Variants in ZSCAN25 observed in about 807,000 individuals in gnomAD.
ZSCAN25 encodes the protein zinc finger and SCAN domain-containing protein 25.
ZSCAN25 carries 27 observed loss-of-function variants against 38.7 expected under a neutral mutation model. That is an observed-to-expected ratio of 0.70 (90% CI 0.51 to 0.96). The LOEUF (loss-of-function observed/expected upper bound fraction) is 0.96. ZSCAN25 is among the 40% of genes least tolerant of loss of function. The pLI is 0.00. For synonymous variants in ZSCAN25, 273 were observed against 277.7 expected, an observed-to-expected ratio of 0.98 and a Z score of 0.17; for missense variants, 637 against 705.9, an observed-to-expected ratio of 0.90 and a Z score of 1.11.
chr7:99,723,592 T>C, the ZSCAN25 span, among the ~76,000 whole-genome samples: 1 of 152,170 alleles, frequency 6.6e-6, no homozygotes, highest in African/African-American at 2.4e-5. Flanking sequence ...GCCAAAGACC[T>C]GGGACAGGGG....
At chr7:99,715,498 A>G in the ZSCAN25 span, 18 of 498,538 alleles carry the variant, frequency 3.6e-5, no homozygotes, top group Admixed American at 3.3e-4. Context: ...AGGCAAATCT[A>G]TAGATGCAGA....
At chr7:99,692,262 C>T in the ZSCAN25 span, among the ~76,000 whole-genome samples, 1 of 152,206 alleles carries the variant, frequency 6.6e-6, no homozygotes, top group East Asian at 1.9e-4. Flanking sequence ...GCTGAGAGAT[C>T]TGCTGTTAGT....
chr7:99,691,368 C>T, the ZSCAN25 span, among the ~76,000 whole-genome samples: 2 of 152,256 alleles, frequency 1.3e-5, no homozygotes, highest in Admixed American at 6.5e-5. Context: ...GGGTGTGGCA[C>T]ACCAACATGG....
the ZSCAN25 span, chr7:99,666,478 T>C: frequency 9.3e-7 from 1 of 1,070,110 alleles, no homozygotes; most frequent in East Asian, 2.5e-5. Context: ...TCTTTGGAGT[T>C]GCAGCGCTGC....
chr7:99,617,293 G>C (rs986884519), intron 1 of ZSCAN25, among the ~76,000 whole-genome samples: 1 of 152,210 alleles, frequency 6.6e-6, no homozygotes, highest in Non-Finnish European at 1.5e-5. Flanking sequence ...TGCAGGGCTG[G>C]CCACGAACCC....
At chr7:99,717,769 A>G in the ZSCAN25 span, 1 of 1,180,190 alleles carries the variant, frequency 8.5e-7, no homozygotes, top group African/African-American at 1.5e-5. Flanking sequence ...GACAGGCCCT[A>G]TGACAGATGC....
the ZSCAN25 span, chr7:99,710,827 T>C: frequency 1.2e-5 from 19 of 1,613,732 alleles, no homozygotes; most frequent in Admixed American, 1.7e-5. Context: ...AGAACACTGC[T>C]CGTGGTTTCA....
At chr7:99,652,464 C>T in the ZSCAN25 span, 1 of 783,808 alleles carries the variant, frequency 1.3e-6, no homozygotes, top group Non-Finnish European at 2.0e-6. Context: ...GATTGTACAA[C>T]CACACGATTG....
the ZSCAN25 span, chr7:99,659,106 T>G: frequency 1.3e-5 from 2 of 152,174 alleles, no homozygotes; most frequent in African/African-American, 2.4e-5. Flanking sequence ...TCCATCCAGC[T>G]TTCCGTTGCT....
chr7:99,737,320 C>G, the ZSCAN25 span, among the ~76,000 whole-genome samples: 1 of 152,066 alleles, frequency 6.6e-6, no homozygotes, highest in African/African-American at 2.4e-5. Context: ...ATCACTATGG[C>G]AAATAGTAAG....
At chr7:99,723,633 C>G in the ZSCAN25 span, among the ~76,000 whole-genome samples, 1 of 152,136 alleles carries the variant, frequency 6.6e-6, no homozygotes, top group Non-Finnish European at 1.5e-5. Context: ...CCCCTGTCCT[C>G]GCCCTCACTC....
chr7:99,637,219 A>G (rs151074562), downstream of ZSCAN25, among the ~76,000 whole-genome samples: 1 of 152,186 alleles, frequency 6.6e-6, no homozygotes, highest in Non-Finnish European at 1.5e-5. Flanking sequence ...TACATGCTTT[A>G]TTAATGAACA....
the ZSCAN25 span, chr7:99,662,936 G>C: frequency 6.2e-7 from 1 of 1,608,520 alleles, no homozygotes; most frequent in African/African-American, 1.3e-5. This position sits in a 1 kb window ranked among gnomAD's most constrained non-coding sequence, Gnocchi z 4.3. Flanking sequence ...GAAGTCAGAA[G>C]TAAATCAAAA....
Position 99,629,662 on chromosome 7 carries a change from C to A in ZSCAN25, c.1277C>A (p.Thr426Asn). 1 of 1,614,094 alleles carries A rather than the reference C, an allele frequency of 6.2e-7. No individual in the cohort carries two copies. Among genetic ancestry groups the A allele is most frequent in the Non-Finnish European group, 8.5e-7 (1 of 1,180,034 alleles). The change falls in exon 8 of 8, where the codon ACT (threonine) becomes AAT (asparagine). Residue 426 changes from threonine to asparagine, a missense_variant. Thr to Asn is a moderately conservative substitution (Grantham distance 65). Coordinates refer to ENST00000394152, the MANE Select transcript of ZSCAN25 (RefSeq NM_145115.3). This position sits in a 1 kb window ranked among gnomAD's most constrained non-coding sequence, Gnocchi z 5.6. ...CTGGAGGTGCACCAGCGCAGCCACA[C>A]TGGGGAGAAGCCCTACAAGTGCGGG... ...HHLEVHQRSH[T>N]GEKPYKCGDC...
the ZSCAN25 span, among the ~76,000 whole-genome samples, chr7:99,709,837 TA>T: frequency 6.6e-6 from 1 of 152,126 alleles, no homozygotes; most frequent in Non-Finnish European, 1.5e-5. Flanking sequence ...TTTTGTTATA[TA>T]CATAAAATGT....
At chr7:99,624,363 G>C in intron 7 of ZSCAN25, 183 bp downstream of exon 7, 1 of 660,522 alleles carries the variant, frequency 1.5e-6, no homozygotes, top group Non-Finnish European at 2.5e-6. Context: ...GGAGCCAAAT[G>C]ATGGAGCAGG....
chr7:99,719,741 G>T, the ZSCAN25 span, among the ~76,000 whole-genome samples: 1 of 152,140 alleles, frequency 6.6e-6, no homozygotes, highest in Non-Finnish European at 1.5e-5. Flanking sequence ...GATCATGCTG[G>T]TCATTGCACA....
chr7:99,629,669 G>T lies in ZSCAN25; in HGVS notation c.1284G>T (p.Glu428Asp). The T allele has an allele frequency of 6.2e-7, 1 of 1,614,088 alleles. No individual in the cohort carries two copies. The highest frequency in any genetic ancestry group is 8.5e-7 in the Non-Finnish European group (1 of 1,180,040). The change falls in exon 8 of 8, where the codon GAG becomes GAT. Residue 428 changes from glutamate (E) to aspartate (D), a missense_variant. Physicochemically the swap from Glu to Asp is conservative, Grantham distance 45. Coordinates refer to ENST00000394152, the MANE Select transcript of ZSCAN25 (RefSeq NM_145115.3). The surrounding 1 kb of genome is among the most constrained non-coding windows in gnomAD (Gnocchi z 5.6). ...TGCACCAGCGCAGCCACACTGGGGA[G>T]AAGCCCTACAAGTGCGGGGACTGCT... ...LEVHQRSHTG[E>D]KPYKCGDCWK...
chr7:99,664,074 G>A, the ZSCAN25 span: 4 of 1,590,324 alleles, frequency 2.5e-6, no homozygotes, highest in South Asian at 1.2e-5. Context: ...TTCAAAAACT[G>A]GGGTAAGGAA....
Sources: gnomAD v4.1 joint callset for allele counts (sites outside exome capture counted in the v4.1 genomes callset) on GRCh38, gnomAD v4.1.1 for gene constraint, Gnocchi (gnomAD v3.1) non-coding constraint, MANE v1.5 for transcripts, NCBI Gene and HGNC (gene_info 2026-07-23, HGNC 2026-07-21) for gene names.